The following MT1A variants were observed in gnomAD, a reference collection of about 807,000 sequenced individuals.
MT1A encodes the protein metallothionein 1A.
MT1A carries 6 observed loss-of-function variants against 5.5 expected under a neutral mutation model. The observed-to-expected ratio is 1.09, with a 90% CI of 0.60 to 2.16. The LOEUF is 2.16. MT1A is among the 30% of genes most tolerant of loss of function. MT1A has a pLI of 0.00. For missense variants in MT1A, 69 were observed against 73.4 expected (o/e 0.94, Z 0.22); for synonymous variants, 23 against 24.8 (o/e 0.93, Z 0.21).
In MT1A at chr16:56,638,684, G is replaced by A. The variant is rs1443804469; in HGVS notation, c.-55G>A. The A allele has an allele frequency of 1.9e-6, 3 of 1,605,676 alleles. No homozygotes were observed. Among genetic ancestry groups the A allele is most frequent in the Non-Finnish European group, 2.6e-6 (3 of 1,172,588 alleles). ...GGGCCCTACCAAGCCTTCCACGTGC[G>A]CCTTATAGCCTCTCAACTTCTTGCT... On this transcript the variant is annotated 5_prime_UTR_variant, in exon 1 of 3. Coordinates refer to ENST00000290705, the MANE Select transcript of MT1A (RefSeq NM_005946.3).
Sources: gnomAD v4.1 joint callset for allele counts on GRCh38, gnomAD v4.1.1 for gene constraint, MANE v1.5 for transcripts, NCBI Gene and HGNC (gene_info 2026-07-23, HGNC 2026-07-21) for gene names.